Variants in DPYSL5 observed in about 807,000 individuals in gnomAD.
DPYSL5 encodes dihydropyrimidinase-related protein 5.
In DPYSL5, 9 loss-of-function variants were observed where a neutral mutation model predicts 58.4. That is an observed-to-expected ratio of 0.15 (90% CI 0.09 to 0.27). The LOEUF is 0.27. Among genes scored for constraint, DPYSL5 ranks in the 10% least tolerant of loss-of-function variants. The probability of loss-of-function intolerance (pLI) is 1.00; values close to 1 mark genes in which losing one functional copy is unlikely to be tolerated. For missense variants in DPYSL5, 499 were observed against 770.6 expected, an observed-to-expected ratio of 0.65 and a Z score of 4.17; for synonymous variants, 293 against 301.9, an observed-to-expected ratio of 0.97 and a Z score of 0.31.
At chr2:26,890,773 C>T (rs1558333914) in intron 1 of DPYSL5, among the ~76,000 whole-genome samples, 1 of 152,202 alleles carries the variant, frequency 6.6e-6, no homozygotes, top group Non-Finnish European at 1.5e-5. Flanking sequence ...AGGGTGCAGG[C>T]GGGTCGGGTT....
At chr2:26,888,208 C>CTTTTCTTTCT (rs1234599817) in intron 1 of DPYSL5, among the ~76,000 whole-genome samples, 1 of 117,826 alleles carries the variant, frequency 8.5e-6, no homozygotes, top group African/African-American at 3.6e-5. Context: ...CCTTCCCTTT[C>CTTTTCTTTCT]TTTTCTTTCT....
At chr2:26,864,200 G>A (rs928851568) in intron 1 of DPYSL5, among the ~76,000 whole-genome samples, 3 of 152,204 alleles carry the variant, frequency 2.0e-5, no homozygotes, top group Non-Finnish European at 2.9e-5. Flanking sequence ...GGCCCAGATC[G>A]CTCCACTGCA....
intron 12 of DPYSL5, 87 bp from the exon 13 acceptor site, chr2:26,946,823 C>A: frequency 1.0e-6 from 1 of 990,710 alleles, no homozygotes; most frequent in Non-Finnish European, 1.6e-6. Flanking sequence ...TCAGGCCATG[C>A]ACACAGTGAG....
At chr2:26,874,995 ATTTC>A (rs1478137820) in intron 1 of DPYSL5, among the ~76,000 whole-genome samples, 20 of 152,144 alleles carry the variant, frequency 1.3e-4, no homozygotes, top group African/African-American at 4.3e-4. Flanking sequence ...TAGTTCTCTA[ATTTC>A]TTTCAACAAT....
In DPYSL5 at chr2:26,947,435, G is replaced by A; in HGVS notation, c.*440G>A. 6.4e-6 allele frequency: 1 copy of A among 156,746 alleles called. No individual in the cohort carries two copies. The highest frequency in any genetic ancestry group is 2.0e-4 in the South Asian group (1 of 5,110). The allele number at this position is 156,746 out of a possible 1,614,324, so 9.7% of individuals were successfully genotyped here. A position where few individuals can be genotyped will look rare whatever the true frequency, so the allele number is the denominator to read the frequency against. On this transcript the variant is annotated 3_prime_UTR_variant, in exon 13 of 13. Transcript: ENST00000288699. The surrounding 1 kb of genome is among the most constrained non-coding windows in gnomAD (Gnocchi z 4.2). ...TAAAGGCCTCCTCCCCCACCCCTTA[G>A]GCCCCGTGGTGACATTTCCCAAGTC...
intron 1 of DPYSL5, among the ~76,000 whole-genome samples, chr2:26,895,006 TG>T (rs1316490667): frequency 1.2e-4 from 19 of 152,374 alleles, no homozygotes; most frequent in Non-Finnish European, 2.6e-4. Flanking sequence ...AAATTAAGGC[TG>T]GGTTTTTGGC....
In DPYSL5 at chr2:26,925,899, T is replaced by G. The variant is rs139420062; in HGVS notation, c.420+854T>G. Among the ~76,000 whole-genome samples the G allele has an allele frequency of 6.6e-6, 1 of 152,334 alleles. No homozygotes were observed. The highest frequency in any genetic ancestry group is 1.9e-4 in the East Asian group (1 of 5,192). On this transcript the variant is annotated intron_variant, in intron 3 of 12. Transcript: ENST00000288699. This position sits in a 1 kb window ranked among gnomAD's most constrained non-coding sequence, Gnocchi z 4.5. ...AGAATCATAAAAATAATAAGCATTA[T>G]TAGTTTTACCAACTCAGGAACTGCC...
chr2:26,932,215 A>AGAAAGAAAGAAAG (rs1665050973), intron 6 of DPYSL5, among the ~76,000 whole-genome samples: 1 of 146,448 alleles, frequency 6.8e-6, no homozygotes. Context: ...AAGAAAAGAA[A>AGAAAGAAAGAAAG]GAAAGAAAGA....
chr2:26,858,441 G>T (rs1322815433), intron 1 of DPYSL5, among the ~76,000 whole-genome samples: 2 of 152,202 alleles, frequency 1.3e-5, no homozygotes, highest in Admixed American at 1.3e-4. Flanking sequence ...AAAGTGCTGG[G>T]ATTACAGGCG....
Position 26,942,480 on chromosome 2 carries a change from A to G in DPYSL5, c.1233-63A>G. Reference sequence around the variant, plus strand: ...CCAGCCTTTGGGGCTCACCCCTCCCATGGAGCTGTGACATTTTGACCTGTC... The same window carrying G: ...CCAGCCTTTGGGGCTCACCCCTCCCGTGGAGCTGTGACATTTTGACCTGTC... On this transcript the variant is annotated intron_variant, in intron 10 of 12. Coordinates refer to ENST00000288699, the MANE Select transcript of DPYSL5 (RefSeq NM_020134.4). This position sits in a 1 kb window ranked among gnomAD's most constrained non-coding sequence, Gnocchi z 5.9. 1.3e-6 allele frequency: 2 copies of G among 1,525,182 alleles called. No homozygotes were observed. Among genetic ancestry groups the G allele is most frequent in the Non-Finnish European group, 1.8e-6 (2 of 1,119,586 alleles). The allele number at this position is 1,525,182 out of a possible 1,614,324, so 94.5% of individuals were successfully genotyped here.
chr2:26,885,502 C>A (rs1018243211), intron 1 of DPYSL5, among the ~76,000 whole-genome samples: 2 of 152,212 alleles, frequency 1.3e-5, no homozygotes, highest in African/African-American at 4.8e-5. Flanking sequence ...AGCCCTCCCC[C>A]AAAATGGCAC....
chr2:26,944,294 A>C lies in DPYSL5; in HGVS notation c.1441-362A>C, dbSNP rs1194943686. On this transcript the variant is annotated intron_variant, in intron 11 of 12. Transcript: ENST00000288699. This position sits in a 1 kb window ranked among gnomAD's most constrained non-coding sequence, Gnocchi z 4.4. ...AGTGAGACTCTGTCTCAAAAAAAAG[A>C]AAAGAAAAATTTGGTTAAAGTTGAC... is the stretch of plus-strand genomic sequence containing the variant. Among the ~76,000 whole-genome samples the C allele has an allele frequency of 6.6e-6, 1 of 152,096 alleles. No homozygotes were observed. Among genetic ancestry groups the C allele is most frequent in the East Asian group, 1.9e-4 (1 of 5,190 alleles).
rs543669048 is a variant in DPYSL5 at position 26,947,024 on chromosome 2, C to T, written c.*29C>T. 38 of 1,549,034 alleles carry T rather than the reference C, an allele frequency of 2.5e-5. No individual in the cohort carries two copies. Among genetic ancestry groups the T allele is most frequent in the Non-Finnish European group, 3.1e-5 (35 of 1,126,428 alleles). ...CATTGCCAAGCCCCCCGAGTGAGGA[C>T]GCACCGCCGCCACCAGCCCGCAACT... On this transcript the variant is annotated 3_prime_UTR_variant, in exon 13 of 13. Coordinates refer to ENST00000288699, the MANE Select transcript of DPYSL5 (RefSeq NM_020134.4). The surrounding 1 kb of genome is among the most constrained non-coding windows in gnomAD (Gnocchi z 4.2).
At chr2:26,891,063 G>T (rs1179056522) in intron 1 of DPYSL5, among the ~76,000 whole-genome samples, 1 of 152,164 alleles carries the variant, frequency 6.6e-6, no homozygotes, top group Non-Finnish European at 1.5e-5. Flanking sequence ...CTCTAGAGAC[G>T]AACTGTCTGG....
chr2:26,868,700 C>T (rs898557209), intron 1 of DPYSL5, among the ~76,000 whole-genome samples: 6 of 152,154 alleles, frequency 3.9e-5, no homozygotes, highest in African/African-American at 1.2e-4. Flanking sequence ...GTTTTAACTA[C>T]GGTGATTTCA....
At position 26,942,795 on chromosome 2, in the gene DPYSL5, CG is replaced by C; in HGVS notation, c.1440+49del. ...ATGCAGGGGTGTTGGCGCCCCCTGC[CG>C]GGGAACATCCTCCATGACTGTTTTA... On this transcript the variant is annotated intron_variant, in intron 11 of 12. Transcript: ENST00000288699. The surrounding 1 kb of genome is among the most constrained non-coding windows in gnomAD (Gnocchi z 5.9). 1 of 1,584,660 alleles carries C rather than the reference CG, an allele frequency of 6.3e-7. No individual in the cohort carries two copies. The highest frequency in any genetic ancestry group is 8.7e-7 in the Non-Finnish European group (1 of 1,155,608).
intron 5 of DPYSL5, among the ~76,000 whole-genome samples, chr2:26,928,540 C>CA (rs1220380448): frequency 1.3e-5 from 2 of 149,688 alleles, no homozygotes; most frequent in Non-Finnish European, 3.0e-5. Context: ...ACTAAAAATA[C>CA]AAAAAAAATT....
intron 1 of DPYSL5, among the ~76,000 whole-genome samples, chr2:26,853,009 G>A (rs1265689602): frequency 6.6e-6 from 1 of 152,148 alleles, no homozygotes; most frequent in African/African-American, 2.4e-5. Context: ...AGTTGCTGTA[G>A]GGATTAACAG....
At chr2:26,860,783 A>G (rs939714403) in intron 1 of DPYSL5, among the ~76,000 whole-genome samples, 1 of 152,222 alleles carries the variant, frequency 6.6e-6, no homozygotes, top group Non-Finnish European at 1.5e-5. Context: ...ATGCAGAACA[A>G]TATTTAATGC....
Sources: allele counts gnomAD v4.1 joint callset (sites outside exome capture counted in the v4.1 genomes callset), GRCh38; gene constraint gnomAD v4.1.1; non-coding constraint Gnocchi (gnomAD v3.1); transcripts MANE v1.5; gene names NCBI Gene and HGNC (gene_info 2026-07-23, HGNC 2026-07-21).